The following MYLK3 variants were observed in gnomAD, a reference collection of about 807,000 sequenced individuals.
MYLK3 encodes myosin light chain kinase 3, also known as MLC kinase.
Under a neutral mutation model 76.3 loss-of-function variants are expected in MYLK3, and 55 were observed. That is an observed-to-expected ratio of 0.72 (90% CI 0.58 to 0.90). The LOEUF is 0.90. Ranked by LOEUF, MYLK3 falls within the 40% of genes least tolerant of loss-of-function variation. The pLI, the probability that MYLK3 is intolerant of heterozygous loss-of-function variation, is 0.00. For synonymous variants in MYLK3, 416 were observed against 425.4 expected (o/e 0.98, Z 0.27); for missense variants, 973 against 1,053.6 (o/e 0.92, Z 1.06).
At chr16:46,733,204 A>G (rs1360052382) in intron 3 of MYLK3, among the ~76,000 whole-genome samples, 1 of 152,084 alleles carries the variant, frequency 6.6e-6, no homozygotes, top group Non-Finnish European at 1.5e-5. Context: ...TCTACAAAAA[A>G]TAATTTTAAA....
chr16:46,722,815 T>C (rs1422930012), intron 8 of MYLK3, among the ~76,000 whole-genome samples: 1 of 152,206 alleles, frequency 6.6e-6, no homozygotes, highest in Non-Finnish European at 1.5e-5. Flanking sequence ...GTTCAAGTGA[T>C]TCTCCTGCCT....
Position 46,737,985 on chromosome 16 carries a change from GC to G in MYLK3, c.726del (p.Thr244GlnfsTer55). 1.2e-6 allele frequency: 2 copies of G among 1,613,924 alleles called. No homozygotes were observed. Among genetic ancestry groups the G allele is most frequent in the Non-Finnish European group, 1.7e-6 (2 of 1,179,998 alleles). Reference sequence around the variant, plus strand: ...GGAGCCTTGGCTTCCACCTTTGTGGGCAGGGGCAGGTGGCCAGGGAATGCCT... The same window carrying G: ...GGAGCCTTGGCTTCCACCTTTGTGGGAGGGGCAGGTGGCCAGGGAATGCCT... The part of the protein sequence containing the change: ...PAQAFPGHLP[L>X]PTKVEAKAPE... On this transcript the variant is annotated frameshift_variant, in exon 3 of 13. Transcript: ENST00000394809. LOFTEE classifies it high-confidence loss of function.
At chr16:46,712,934 A>G (rs1966699268) in intron 9 of MYLK3, among the ~76,000 whole-genome samples, 158 bp from the exon 10 acceptor site, 1 of 152,148 alleles carries the variant, frequency 6.6e-6, no homozygotes, top group Admixed American at 6.5e-5. Flanking sequence ...CTGGGGAATA[A>G]TCAGATCCCA....
chr16:46,712,286 C>A (rs576009118), intron 10 of MYLK3, among the ~76,000 whole-genome samples: 12 of 152,060 alleles, frequency 7.9e-5, no homozygotes, highest in African/African-American at 2.7e-4. Context: ...GCCACCATGC[C>A]CAGCTCAACC....
At position 46,747,801 on chromosome 16, in the gene MYLK3, C is replaced by A; in HGVS notation, c.393G>T (p.Thr131=). ...AATCCGCCACCTTTGATTTCTGGAACGTGGCCCCCACCAAAGCGATGGCCC... is the reference window on the plus strand; with the variant it reads ...AATCCGCCACCTTTGATTTCTGGAAAGTGGCCCCCACCAAAGCGATGGCCC... ...VDRAIALVGA[T]FQKSKVADFL... is the part of the protein sequence containing the mutation. The change falls in exon 1 of 13, where the codon ACG becomes ACT. Residue 131 remains threonine, a synonymous_variant. Transcript: ENST00000394809. 2 of 1,614,218 alleles carry A rather than the reference C, an allele frequency of 1.2e-6. No homozygotes were observed. The highest frequency in any genetic ancestry group is 1.7e-6 in the Non-Finnish European group (2 of 1,180,046).
At chr16:46,760,161 G>C (rs557015061) in intron 1 of MYLK3, among the ~76,000 whole-genome samples, 3 of 152,178 alleles carry the variant, frequency 2.0e-5, no homozygotes, top group African/African-American at 7.2e-5. Flanking sequence ...CATTTCACTC[G>C]TGGAGAGACT....
At chr16:46,725,079 T>C (rs1258486816) in intron 8 of MYLK3, among the ~76,000 whole-genome samples, 1 of 152,214 alleles carries the variant, frequency 6.6e-6, no homozygotes, top group African/African-American at 2.4e-5. Flanking sequence ...AATTATTTTC[T>C]TGATTTTATT....
At chr16:46,735,881 G>T (rs1416346353) in intron 3 of MYLK3, among the ~76,000 whole-genome samples, 1 of 152,176 alleles carries the variant, frequency 6.6e-6, no homozygotes, top group East Asian at 1.9e-4. Context: ...CTTACAAGCA[G>T]CTCCTGCCAC....
intron 4 of MYLK3, among the ~76,000 whole-genome samples, chr16:46,731,069 G>A (rs1333396756): frequency 6.6e-6 from 1 of 152,240 alleles, no homozygotes; most frequent in African/African-American, 2.4e-5. Context: ...TTTTTAAAGG[G>A]ACTGTAAAGT....
chr16:46,708,260 C>G (rs1000782151), intron 12 of MYLK3, among the ~76,000 whole-genome samples: 2 of 152,118 alleles, frequency 1.3e-5, no homozygotes, highest in African/African-American at 4.8e-5. Flanking sequence ...CACCCTAGAA[C>G]AGTGTCTTAT....
intron 8 of MYLK3, among the ~76,000 whole-genome samples, chr16:46,724,330 T>A (rs907828046): frequency 1.3e-5 from 2 of 152,230 alleles, no homozygotes; most frequent in Non-Finnish European, 2.9e-5. Flanking sequence ...TATCTTTTTT[T>A]AATTATATTT....
At chr16:46,753,315 C>T (rs1213158432), upstream of MYLK3, among the ~76,000 whole-genome samples, 2 of 152,214 alleles carry the variant, frequency 1.3e-5, no homozygotes, top group Admixed American at 6.5e-5. Flanking sequence ...CAGGCCCACC[C>T]TCCCTAGAGA....
Position 46,721,163 on chromosome 16 carries a change from C to T in MYLK3, c.1945G>A (p.Gly649Arg), listed in dbSNP as rs746200101. 4 of 1,614,214 alleles carry T rather than the reference C, an allele frequency of 2.5e-6. No homozygotes were observed. The South Asian group carries it at 4.4e-5, about 18-fold the overall frequency. ...PENILCVNQT[G>R]HQIKIIDFGL... ...AAGTCAATGATCTTAATTTGATGTC[C>T]TGTCTGATTGACGCACAATATGTTC... The change falls in exon 9 of 13, where the codon GGA becomes AGA. Residue 649 changes from glycine (G) to arginine (R), a missense_variant. This residue lies in a region of MYLK3 where 332 missense variants were observed against 416.6 expected (regional missense o/e 0.80). Coordinates refer to ENST00000394809, the MANE Select transcript of MYLK3 (RefSeq NM_182493.3).
chr16:46,732,321 C>T lies in MYLK3; in HGVS notation c.1349G>A (p.Ser450Asn). 6.2e-7 allele frequency: 1 copy of T among 1,612,324 alleles called. No homozygotes were observed. The highest frequency in any genetic ancestry group is 8.5e-7 in the Non-Finnish European group (1 of 1,180,032). Residue 450 changes from serine to asparagine, a missense_variant, in exon 4 of 13, where the codon AGC (serine) becomes AAC (asparagine). Physicochemically the swap from Ser to Asn is conservative, Grantham distance 46. Around this residue, in one of 2 missense-constraint regions of MYLK3, gnomAD observed 641 missense variants for 637.0 expected, o/e 1.01. Coordinates refer to ENST00000394809, the MANE Select transcript of MYLK3 (RefSeq NM_182493.3). ...VGALGLQQGKSPGAGNPEPEQ... is the reference protein window; with the variant it reads ...VGALGLQQGKNPGAGNPEPEQ... ...AGGCTCAGGGTTTCCCGCCCCTGGG[C>T]TTTTGCCCTGCTGCAGGCCCAGGGC...
rs764803236 is a variant in MYLK3 at position 46,737,774 on chromosome 16, G to A, written c.938C>T (p.Pro313Leu). Residue 313 changes from proline to leucine, a missense_variant, in exon 3 of 13, where the codon CCA becomes CTA. Around this residue, in one of 2 missense-constraint regions of MYLK3, gnomAD observed 641 missense variants for 637.0 expected, o/e 1.01. Coordinates refer to ENST00000394809, the MANE Select transcript of MYLK3 (RefSeq NM_182493.3). ...RLTPGPGPQC[P>L]GPPGLPAQAR... ...CTGGGCTGGCAGCCCTGGAGGCCCTGGGCACTGAGGGCCAGGCCCTGGAGT... is the reference window on the plus strand; with the variant it reads ...CTGGGCTGGCAGCCCTGGAGGCCCTAGGCACTGAGGGCCAGGCCCTGGAGT... The A allele has an allele frequency of 2.6e-5, 42 of 1,611,512 alleles. No individual in the cohort carries two copies. The highest frequency in any genetic ancestry group is 3.5e-5 in the Non-Finnish European group (41 of 1,179,824).
intron 8 of MYLK3, among the ~76,000 whole-genome samples, chr16:46,722,248 G>T (rs1013558415): frequency 3.3e-5 from 5 of 152,152 alleles, no homozygotes; most frequent in Admixed American, 6.5e-5. Flanking sequence ...AGTGCCTGAG[G>T]CCCAGGGGCT....
Position 46,730,596 on chromosome 16 carries a change from C to A in MYLK3, c.1565G>T (p.Gly522Val), listed in dbSNP as rs1215518372. 2 of 1,613,944 alleles carry A rather than the reference C, an allele frequency of 1.2e-6. No individual in the cohort carries two copies. The highest frequency in any genetic ancestry group is 1.3e-5 in the African/African-American group (1 of 75,056). Residue 522 changes from glycine (G) to valine (V), a missense_variant, in exon 5 of 13, where the codon GGA becomes GTA. By Grantham distance (109) the Gly-to-Val change is moderately radical (BLOSUM62 -3). Around this residue, in one of 2 missense-constraint regions of MYLK3, gnomAD observed 332 missense variants for 416.6 expected, o/e 0.80. Transcript: ENST00000394809. ...ACCAAGGCAGATGCCCACCTACCCT[C>A]CCAAGACTTCGTGCTGGCACACCTC... is the stretch of plus-strand genomic sequence containing the variant. The part of the protein sequence containing the change: ...GYEVCQHEVL[G>V]GGRFGQVHRC...
chr16:46,712,734 A>G lies in MYLK3; in HGVS notation c.2028T>C (p.Pro676=). 1 of 1,599,628 alleles carries G rather than the reference A, an allele frequency of 6.3e-7. No individual in the cohort carries two copies. The highest frequency in any genetic ancestry group is 8.5e-7 in the Non-Finnish European group (1 of 1,172,786). The change falls in exon 10 of 13, where the codon CCT becomes CCC. Residue 676 remains proline (P), a synonymous_variant. Coordinates refer to ENST00000394809, the MANE Select transcript of MYLK3 (RefSeq NM_182493.3). ...REKLKVNFGT[P]EFLAPEVVNY... ...TGACGACTTCTGGGGCCAGGAACTC[A>G]GGAGTGCCGAAGTTCACCTTCAGCT...
chr16:46,732,781 G>T, intron 3 of MYLK3, 113 bp from the exon 4 acceptor site: 1 of 852,998 alleles, frequency 1.2e-6, no homozygotes, highest in Non-Finnish European at 1.7e-6. Flanking sequence ...CTGGGGCCCT[G>T]CTAGACAGGA....
Sources: allele counts gnomAD v4.1 joint callset (sites outside exome capture counted in the v4.1 genomes callset), GRCh38; gene constraint gnomAD v4.1.1; regional missense constraint gnomAD v4.1.1; transcripts MANE v1.5; gene names NCBI Gene and HGNC (gene_info 2026-07-23, HGNC 2026-07-21).